The following APAF1 variants were observed in gnomAD, a reference collection of about 807,000 sequenced individuals.
APAF1 encodes apoptotic peptidase activating factor 1, also known as apoptotic protease-activating factor 1.
A neutral mutation model predicts 152.4 loss-of-function variants in APAF1; 91 were observed. The ratio of observed to expected loss-of-function variants is 0.60; its 90% CI spans 0.50 to 0.71. The LOEUF (loss-of-function observed/expected upper bound fraction) is 0.71, where lower values mean the gene tolerates loss of function less well. Among genes scored for constraint, APAF1 ranks in the 30% least tolerant of loss-of-function variants. The pLI, the probability that APAF1 is intolerant of heterozygous loss-of-function variation, is 0.00. For synonymous variants in APAF1, 484 were observed against 494.1 expected (o/e 0.98, Z 0.27); for missense variants, 1,283 against 1,472.0 (o/e 0.87, Z 2.10).
At chr12:98,718,230 TTTTC>T (rs986687946) in intron 22 of APAF1, among the ~76,000 whole-genome samples, 2 of 152,248 alleles carry the variant, frequency 1.3e-5, no homozygotes, top group Admixed American at 6.5e-5. Context: ...TTTCTTTTCT[TTTTC>T]TTTCTTTTTT....
chr12:98,657,128 G>A (rs2097658768), intron 4 of APAF1, among the ~76,000 whole-genome samples: 1 of 152,114 alleles, frequency 6.6e-6, no homozygotes, highest in Admixed American at 6.6e-5. Flanking sequence ...TAGAACTACA[G>A]CACTTTTGAA....
At position 98,706,549 on chromosome 12, in the gene APAF1, G is replaced by A; in HGVS notation, c.2660G>A (p.Gly887Asp). 6.2e-7 allele frequency: 1 copy of A among 1,614,010 alleles called. No individual in the cohort carries two copies. The highest frequency in any genetic ancestry group is 8.5e-7 in the Non-Finnish European group (1 of 1,179,900). Residue 887 changes from glycine (G) to aspartate (D), a missense_variant, in exon 19 of 27, where the codon GGT becomes GAT. By Grantham distance (94) the Gly-to-Asp change is moderately conservative (BLOSUM62 -1). Coordinates refer to ENST00000551964, the MANE Select transcript of APAF1 (RefSeq NM_181861.2). ...AGAGGACATTTAAGTTGGGTTCATG[G>A]TGTGATGTTTTCTCCTGATGGATCA... ...DCRGHLSWVH[G>D]VMFSPDGSSF...
At chr12:98,710,170 G>A (rs909395280) in intron 20 of APAF1, among the ~76,000 whole-genome samples, 2 of 148,590 alleles carry the variant, frequency 1.3e-5, no homozygotes, top group East Asian at 2.0e-4. Flanking sequence ...CACCGTGCCC[G>A]GCCTAAGGGT....
At chr12:98,649,788 G>C in intron 4 of APAF1, 104 bp downstream of exon 4, 1 of 1,108,426 alleles carries the variant, frequency 9.0e-7, no homozygotes, top group Non-Finnish European at 1.3e-6. Flanking sequence ...ACAAGTATAA[G>C]GTACAGAGTT....
intron 21 of APAF1, among the ~76,000 whole-genome samples, chr12:98,715,220 G>A (rs11109579): frequency 1.8e-5 from 2 of 110,844 alleles, no homozygotes; most frequent in East Asian, 5.4e-4. Context: ...TTTGCATGTA[G>A]GCATACATGG....
At chr12:98,729,993 C>A (rs1268009018) in intron 26 of APAF1, among the ~76,000 whole-genome samples, 2 of 152,148 alleles carry the variant, frequency 1.3e-5, no homozygotes, top group African/African-American at 4.8e-5. Flanking sequence ...ATGTTCCCAA[C>A]ACAAAGAAAA....
Position 98,659,340 on chromosome 12 carries a change from C to A in APAF1, c.707C>A (p.Pro236Gln). The change falls in exon 5 of 27, where the codon CCA (proline) becomes CAA (glutamine). Residue 236 changes from proline to glutamine, a missense_variant. Physicochemically the swap from Pro to Gln is moderately conservative, Grantham distance 76 (BLOSUM62 -1). Coordinates refer to ENST00000551964, the MANE Select transcript of APAF1 (RefSeq NM_181861.2). ...RLRILMLRKH[P>Q]RSLLILDDVW... The stretch of plus-strand genomic sequence containing the variant: ...CGCATTCTGATGCTTCGCAAACACC[C>A]AAGGTACCGATGGTCAAATTTAGTT... 6.2e-7 allele frequency: 1 copy of A among 1,614,120 alleles called. No individual in the cohort carries two copies. Among genetic ancestry groups the A allele is most frequent in the South Asian group, 1.1e-5 (1 of 91,080 alleles).
chr12:98,699,123 A>G (rs1466382267), intron 16 of APAF1, among the ~76,000 whole-genome samples: 3 of 152,160 alleles, frequency 2.0e-5, no homozygotes, highest in Admixed American at 6.5e-5. Context: ...TTGTGTCCTT[A>G]CTGTCAACAT....
Position 98,677,444 on chromosome 12 carries a change from A to C in APAF1, c.1813A>C (p.Asn605His). The C allele has an allele frequency of 1.2e-6, 2 of 1,614,144 alleles. No homozygotes were observed. The highest frequency in any genetic ancestry group is 2.7e-5 in the African/African-American group (2 of 75,046). Residue 605 changes from asparagine (N) to histidine (H), a missense_variant, in exon 13 of 27, where the codon AAT (asparagine) becomes CAT (histidine). Coordinates refer to ENST00000551964, the MANE Select transcript of APAF1 (RefSeq NM_181861.2). ...ATTTAGAAACAAAAAAAACATCACG[A>C]ATCTTTCCCGCTTAGTTGTCCGCCC... Reference protein sequence around the residue: ...LEWINKKNITNLSRLVVRPHT... With the variant: ...LEWINKKNITHLSRLVVRPHT...
chr12:98,665,538 A>ATT lies in APAF1; in HGVS notation c.956-6_956-5dup, dbSNP rs552639887. 6 of 1,458,136 alleles carry ATT rather than the reference A, an allele frequency of 4.1e-6. No individual in the cohort carries two copies. The highest frequency in any genetic ancestry group is 2.4e-5 in the East Asian group (1 of 41,764). The allele number at this position is 1,458,136 out of a possible 1,614,324, so 90.3% of individuals were successfully genotyped here. A position where few individuals can be genotyped will look rare whatever the true frequency, so the allele number is the denominator to read the frequency against. ...AGGATGGTATTAGCATAGTGACTTCATTTTTTTTTTAAAGGCTCTCCCCTT... is the reference window on the plus strand; with the variant it reads ...AGGATGGTATTAGCATAGTGACTTCATTTTTTTTTTTTAAAGGCTCTCCCCTT... On this transcript the variant is annotated splice_polypyrimidine_tract_variant and intron_variant, in intron 7 of 26. Coordinates refer to ENST00000551964, the MANE Select transcript of APAF1 (RefSeq NM_181861.2).
intron 22 of APAF1, among the ~76,000 whole-genome samples, chr12:98,720,809 A>G (rs1234725615): frequency 6.6e-6 from 1 of 152,088 alleles, no homozygotes; most frequent in East Asian, 1.9e-4. Context: ...ACTAAAAAAT[A>G]CAAAAAAATT....
In APAF1 at chr12:98,726,835, G is replaced by T. The variant is rs888539256; in HGVS notation, c.3457-338G>T. On this transcript the variant is annotated intron_variant, in intron 25 of 26. Transcript: ENST00000551964. ...AAGTTACTGATTTTTGTTTGTATAT[G>T]TACTACCTTACTGAACTGTTTCTAA... The T allele has an allele frequency of 1.3e-5, 3 of 229,104 alleles. No individual in the cohort carries two copies. In the East Asian group the frequency reaches 3.4e-4, roughly 26 times the overall value. 14.2% of individuals were successfully genotyped at this position (229,104 alleles called of 1,614,324 possible).
At chr12:98,732,110 T>C (rs1565901188) in intron 26 of APAF1, among the ~76,000 whole-genome samples, 1 of 152,022 alleles carries the variant, frequency 6.6e-6, no homozygotes, top group Non-Finnish European at 1.5e-5. Flanking sequence ...ACAAGAGAGT[T>C]GAGTCTGGCC....
At chr12:98,698,288 A>G (rs2097711825) in intron 16 of APAF1, among the ~76,000 whole-genome samples, 1 of 152,204 alleles carries the variant, frequency 6.6e-6, no homozygotes, top group Non-Finnish European at 1.5e-5. Context: ...CCTGGGCTCA[A>G]GTGATCCTCC....
intron 10 of APAF1, 37 bp downstream of exon 10, chr12:98,667,681 T>C (rs1386807219): frequency 5.6e-6 from 9 of 1,605,858 alleles, no homozygotes; most frequent in Non-Finnish European, 6.8e-6. Context: ...TTATCTGACT[T>C]CCCTTTTTCC....
chr12:98,654,751 C>T (rs1273801788), intron 4 of APAF1, among the ~76,000 whole-genome samples: 4 of 149,344 alleles, frequency 2.7e-5, no homozygotes, highest in Non-Finnish European at 5.9e-5. Context: ...AAAATGGAAA[C>T]TTAAGGCAAC....
At chr12:98,647,539 A>G (rs1198702920) in intron 1 of APAF1, among the ~76,000 whole-genome samples, 1 of 151,296 alleles carries the variant, frequency 6.6e-6, no homozygotes, top group African/African-American at 2.4e-5. Flanking sequence ...CATCTGGCTA[A>G]TTTTGTATTT....
intron 22 of APAF1, among the ~76,000 whole-genome samples, chr12:98,717,605 A>G (rs2097736419): frequency 6.6e-6 from 1 of 151,292 alleles, no homozygotes; most frequent in South Asian, 2.1e-4. Context: ...TGAACTCTGG[A>G]CCTCAGGTGA....
At chr12:98,695,260 C>T (rs2097708524) in intron 16 of APAF1, among the ~76,000 whole-genome samples, 1 of 152,050 alleles carries the variant, frequency 6.6e-6, no homozygotes, top group African/African-American at 2.4e-5. Context: ...ACCATGTTGG[C>T]CAGGCTGGTC....
Sources: gnomAD v4.1 joint callset for allele counts (sites outside exome capture counted in the v4.1 genomes callset) on GRCh38, gnomAD v4.1.1 for gene constraint, MANE v1.5 for transcripts, NCBI Gene and HGNC (gene_info 2026-07-23, HGNC 2026-07-21) for gene names.